Variants in FGF12 observed in about 807,000 individuals in gnomAD.
The protein encoded by FGF12 is fibroblast growth factor 12.
FGF12 carries 14 observed loss-of-function variants against 23.6 expected under a neutral mutation model. The observed-to-expected ratio is 0.59, with a 90% CI of 0.39 to 0.93. The LOEUF is 0.93. FGF12 is among the 40% of genes least tolerant of loss of function. The probability of loss-of-function intolerance (pLI) is 0.00; values close to 1 mark genes in which losing one functional copy is unlikely to be tolerated. For missense variants in FGF12, 175 were observed against 217.8 expected, an observed-to-expected ratio of 0.80 and a Z score of 1.24; for synonymous variants, 62 against 77.3, an observed-to-expected ratio of 0.80 and a Z score of 1.04.
At chr3:192,373,350 A>G (rs1217104940) in intron 2 of FGF12, among the ~76,000 whole-genome samples, 3 of 151,286 alleles carry the variant, frequency 2.0e-5, no homozygotes, top group Admixed American at 6.6e-5. Context: ...CTATAAAACG[A>G]CTGTATTGGA....
At chr3:192,441,081 A>G (rs1560112105) in intron 2 of FGF12, among the ~76,000 whole-genome samples, 1 of 152,190 alleles carries the variant, frequency 6.6e-6, no homozygotes, top group Non-Finnish European at 1.5e-5. Context: ...AAAGAGACTT[A>G]TTTTGTGGAG....
At position 192,674,570 on chromosome 3, in the gene FGF12, C is replaced by T. The variant is rs117250285; in HGVS notation, c.13+52611G>A. 2.4e-4 allele frequency among the ~76,000 whole-genome samples: 36 copies of T among 152,010 alleles called. No homozygotes were observed. In the East Asian group the frequency reaches 6.2e-3, roughly 26 times the overall value. On this transcript the variant is annotated intron_variant, in intron 2 of 5. Transcript: ENST00000445105. ...GATGAGAGCAGTAGATTTTGTGATC[C>T]CTAAGTTGCTTTCCACTGTAAAAAA...
intron 2 of FGF12, among the ~76,000 whole-genome samples, chr3:192,599,540 A>G (rs1714020896): frequency 6.6e-6 from 1 of 152,026 alleles, no homozygotes; most frequent in African/African-American, 2.4e-5. Context: ...TAAAAATGAC[A>G]ACCAATATTG....
rs1199942057 is a variant in FGF12 at position 192,409,548 on chromosome 3, A to G, written c.14-49010T>C. 6.6e-6 allele frequency among the ~76,000 whole-genome samples: 1 copy of G among 152,220 alleles called. No individual in the cohort carries two copies. The highest frequency in any genetic ancestry group is 1.5e-5 in the Non-Finnish European group (1 of 68,034). ...CAGATGGGGATTACCCGCCGGACGC[A>G]AGGCCGATCACTCAGTCCCGCGCCG... is the stretch of plus-strand genomic sequence containing the variant. On this transcript the variant is annotated intron_variant, in intron 2 of 5. Coordinates refer to ENST00000445105, the MANE Select transcript of FGF12 (RefSeq NM_004113.6). The surrounding 1 kb of genome is among the most constrained non-coding windows in gnomAD (Gnocchi z 4.8).
chr3:192,326,233 T>C (rs1312314697), intron 4 of FGF12, among the ~76,000 whole-genome samples: 3 of 152,124 alleles, frequency 2.0e-5, no homozygotes, highest in African/African-American at 7.2e-5. Flanking sequence ...CAGAGATAAA[T>C]GTCCCATCAA....
chr3:192,339,418 C>T (rs1209817985), intron 3 of FGF12, among the ~76,000 whole-genome samples: 2 of 152,124 alleles, frequency 1.3e-5, no homozygotes, highest in African/African-American at 4.8e-5. Flanking sequence ...TTCCTGCTTA[C>T]AACCTGCAGT....
chr3:192,680,987 G>A (rs1257224106), intron 2 of FGF12, among the ~76,000 whole-genome samples: 2 of 152,194 alleles, frequency 1.3e-5, no homozygotes, highest in Non-Finnish European at 2.9e-5. Context: ...CCTGTGCTGG[G>A]CTCAGCTGAA....
At chr3:192,176,233 CTGTT>C (rs1279719445) in intron 4 of FGF12, among the ~76,000 whole-genome samples, 1 of 152,226 alleles carries the variant, frequency 6.6e-6, no homozygotes, top group Non-Finnish European at 1.5e-5. Flanking sequence ...GCTGTTCTCT[CTGTT>C]TCTCTATCAA....
intron 4 of FGF12, among the ~76,000 whole-genome samples, chr3:192,256,797 T>C (rs1213961094): frequency 1.3e-5 from 2 of 152,198 alleles, no homozygotes; most frequent in African/African-American, 2.4e-5. Context: ...GATAGCAGAA[T>C]AGATGAATAA....
intron 2 of FGF12, among the ~76,000 whole-genome samples, chr3:192,533,339 T>C (rs1266443188): frequency 6.6e-6 from 1 of 152,178 alleles, no homozygotes; most frequent in Non-Finnish European, 1.5e-5. Flanking sequence ...ATTCAGGTTT[T>C]TGGGGAACAA....
chr3:192,302,651 T>C (rs111514981), intron 4 of FGF12, among the ~76,000 whole-genome samples: 7 of 152,180 alleles, frequency 4.6e-5, no homozygotes, highest in African/African-American at 1.4e-4. Context: ...GAAATGGCCA[T>C]GCAGAAAACA....
intron 2 of FGF12, among the ~76,000 whole-genome samples, chr3:192,447,327 T>C (rs971808663): frequency 6.6e-6 from 1 of 152,124 alleles, no homozygotes; most frequent in Admixed American, 6.6e-5. Flanking sequence ...TTTTCTAGAG[T>C]ACTTGAGCAT....
intron 5 of FGF12, among the ~76,000 whole-genome samples, chr3:192,169,057 T>C (rs1577197681): frequency 6.6e-6 from 1 of 151,968 alleles, no homozygotes; most frequent in Admixed American, 6.6e-5. Context: ...AGAATGAAAA[T>C]AGGCCAGGCA....
intron 2 of FGF12, among the ~76,000 whole-genome samples, chr3:192,544,625 T>A (rs1367281259): frequency 6.6e-6 from 1 of 152,230 alleles, no homozygotes; most frequent in African/African-American, 2.4e-5. Flanking sequence ...ACAAAACATA[T>A]AGATTTCTCT....
chr3:192,387,649 T>G (rs140803116), intron 2 of FGF12, among the ~76,000 whole-genome samples: 4,500 of 150,664 alleles, frequency 0.03, 97 homozygotes, highest in Non-Finnish European at 0.047. Context: ...GAGTTGAAGA[T>G]CAGCCTGGGC....
At chr3:192,582,793 G>C (rs888936926) in intron 2 of FGF12, among the ~76,000 whole-genome samples, 1 of 152,136 alleles carries the variant, frequency 6.6e-6, no homozygotes, top group Non-Finnish European at 1.5e-5. Flanking sequence ...TCAAATGCCT[G>C]TGCCTAGCTT....
At chr3:192,413,521 A>G (rs1173980988) in intron 2 of FGF12, among the ~76,000 whole-genome samples, 2 of 152,258 alleles carry the variant, frequency 1.3e-5, no homozygotes, top group African/African-American at 2.4e-5. Flanking sequence ...CCATGCTGTT[A>G]TTAAAATCTC....
intron 2 of FGF12, among the ~76,000 whole-genome samples, chr3:192,486,651 C>T (rs1723642869): frequency 6.6e-6 from 1 of 152,042 alleles, no homozygotes; most frequent in Admixed American, 6.6e-5. Flanking sequence ...ACACCCTGTT[C>T]AGGGCCTTGA....
At chr3:192,581,393 C>A (rs1357946338) in intron 2 of FGF12, among the ~76,000 whole-genome samples, 2 of 149,790 alleles carry the variant, frequency 1.3e-5, no homozygotes, top group Non-Finnish European at 3.0e-5. Context: ...CATGATGAGA[C>A]CTCACCTCTC....
Sources: gnomAD v4.1 joint callset for allele counts (sites outside exome capture counted in the v4.1 genomes callset) on GRCh38, gnomAD v4.1.1 for gene constraint, Gnocchi (gnomAD v3.1) non-coding constraint, MANE v1.5 for transcripts, NCBI Gene and HGNC (gene_info 2026-07-23, HGNC 2026-07-21) for gene names.